The following DDX1 variants were observed in gnomAD, a reference collection of about 807,000 sequenced individuals.
DDX1 encodes ATP-dependent RNA helicase DDX1.
DDX1 carries 28 observed loss-of-function variants against 108.7 expected under a neutral mutation model. That is an observed-to-expected ratio of 0.26 (90% CI 0.19 to 0.35). The LOEUF (loss-of-function observed/expected upper bound fraction) is 0.35, where lower values mean the gene tolerates loss of function less well. DDX1 is among the 10% of genes least tolerant of loss of function. The pLI is 1.00. For synonymous variants in DDX1, 295 were observed against 288.9 expected (o/e 1.02, Z -0.21); for missense variants, 710 against 884.5 (o/e 0.80, Z 2.50).
intron 19 of DDX1, among the ~76,000 whole-genome samples, chr2:15,624,590 A>G (rs1666068192): frequency 6.6e-6 from 1 of 152,182 alleles, no homozygotes; most frequent in Non-Finnish European, 1.5e-5. Context: ...CGAGAACAGC[A>G]TGAGGATAAC....
intron 14 of DDX1, among the ~76,000 whole-genome samples, chr2:15,616,879 G>T (rs957937105): frequency 1.3e-5 from 2 of 152,198 alleles, no homozygotes; most frequent in African/African-American, 4.8e-5. Flanking sequence ...TACTAGAGGA[G>T]ATTAAATAAA....
chr2:15,594,111 A>G (rs1195377231), intron 1 of DDX1, among the ~76,000 whole-genome samples: 1 of 150,964 alleles, frequency 6.6e-6, no homozygotes, highest in African/African-American at 2.4e-5. Flanking sequence ...AAAGAAAAAG[A>G]GTTAGGAGAG....
intron 13 of DDX1, among the ~76,000 whole-genome samples, chr2:15,610,005 G>A (rs1665726634): frequency 6.6e-6 from 1 of 152,194 alleles, no homozygotes; most frequent in Admixed American, 6.5e-5. Flanking sequence ...GTGCCTCATA[G>A]CTCACTGCAG....
intron 13 of DDX1, among the ~76,000 whole-genome samples, chr2:15,612,947 G>C (rs1454936156): frequency 2.6e-5 from 4 of 151,506 alleles, no homozygotes; most frequent in Admixed American, 6.6e-5. Flanking sequence ...AGTGAGCCGA[G>C]ATGGCAGCAG....
intron 13 of DDX1, among the ~76,000 whole-genome samples, chr2:15,611,280 A>G (rs62120728): frequency 5.3e-5 from 8 of 151,298 alleles, no homozygotes; most frequent in South Asian, 4.2e-4. Context: ...TCCCATGTCT[A>G]CCTCCTACTA....
chr2:15,605,335 AG>A (rs1665645393), intron 10 of DDX1, among the ~76,000 whole-genome samples: 1 of 152,082 alleles, frequency 6.6e-6, no homozygotes, highest in African/African-American at 2.4e-5. Flanking sequence ...ATGAGGAGGA[AG>A]GCCAGGAGGA....
At chr2:15,605,920 T>G in intron 10 of DDX1, 30 bp from the exon 11 acceptor site, 2 of 1,450,336 alleles carry the variant, frequency 1.4e-6, no homozygotes, top group Non-Finnish European at 1.9e-6. Flanking sequence ...TCTGATTGTT[T>G]TAATCTCTCT....
intron 13 of DDX1, 26 bp from the exon 14 acceptor site, chr2:15,613,197 AT>A: frequency 1.4e-6 from 2 of 1,379,774 alleles, no homozygotes; most frequent in Non-Finnish European, 2.0e-6. Context: ...TTTTTTTTTT[AT>A]ATTATCATCT....
At position 15,623,437 on chromosome 2, in the gene DDX1, G is replaced by T; in HGVS notation, c.1449G>T (p.Glu483Asp). The T allele has an allele frequency of 6.2e-7, 1 of 1,613,106 alleles. No individual in the cohort carries two copies. Among genetic ancestry groups the T allele is most frequent in the Non-Finnish European group, 8.5e-7 (1 of 1,179,480 alleles). The change falls in exon 19 of 26, where the codon GAG becomes GAT. Residue 483 changes from glutamate to aspartate, a missense_variant and splice_region_variant. Around this residue, in one of 3 missense-constraint regions of DDX1, gnomAD observed 661 missense variants for 810.2 expected, o/e 0.82. Transcript: ENST00000233084. ...DNTRPGANSPEMWSEAIKILK... is the reference protein window; with the variant it reads ...DNTRPGANSPDMWSEAIKILK... Reference sequence around the variant, plus strand: ...TTTGTTGTTGTTATGATATTCAAGAGATGTGGTCTGAAGCTATTAAAATCC... The same window carrying T: ...TTTGTTGTTGTTATGATATTCAAGATATGTGGTCTGAAGCTATTAAAATCC...
chr2:15,592,928 G>T (rs1214737078), intron 1 of DDX1, among the ~76,000 whole-genome samples: 3 of 132,668 alleles, frequency 2.3e-5, no homozygotes, highest in South Asian at 2.9e-4. Context: ...GGGGGAGAAT[G>T]GGGGGGTGGG....
In DDX1 at chr2:15,607,294, A is replaced by G. The variant is rs1665678982; in HGVS notation, c.937A>G (p.Ile313Val). Residue 313 changes from isoleucine (I) to valine (V), a missense_variant, in exon 13 of 26, where the codon ATT becomes GTT. By Grantham distance (29) the Ile-to-Val change is conservative. Around this residue, in one of 3 missense-constraint regions of DDX1, gnomAD observed 661 missense variants for 810.2 expected, o/e 0.82. Coordinates refer to ENST00000233084, the MANE Select transcript of DDX1 (RefSeq NM_004939.3). ...CAACATCAAGCAGTTTAAGAAATAC[A>G]TTGATAATCCTAAATTAAGGTAAAT... ...LNNIKQFKKY[I>V]DNPKLRELLI... The G allele has an allele frequency of 1.9e-6, 3 of 1,613,344 alleles. No individual in the cohort carries two copies. Among genetic ancestry groups the G allele is most frequent in the Non-Finnish European group, 2.5e-6 (3 of 1,179,408 alleles).
At chr2:15,603,530 G>C (rs1665619238) in intron 8 of DDX1, among the ~76,000 whole-genome samples, 1 of 152,216 alleles carries the variant, frequency 6.6e-6, no homozygotes, top group Non-Finnish European at 1.5e-5. Flanking sequence ...GTGTGAATCT[G>C]TACCACACAG....
At chr2:15,611,414 G>A (rs980514576) in intron 13 of DDX1, among the ~76,000 whole-genome samples, 13 of 150,362 alleles carry the variant, frequency 8.6e-5, no homozygotes, top group East Asian at 6.0e-4. Context: ...CCTCCCAGAC[G>A]GGGTGGTGGC....
chr2:15,614,598 G>T (rs1438396625), intron 14 of DDX1, among the ~76,000 whole-genome samples: 1 of 152,196 alleles, frequency 6.6e-6, no homozygotes, highest in Non-Finnish European at 1.5e-5. Context: ...TGCTGTAGGA[G>T]CGGGTTAGTT....
Position 15,627,089 on chromosome 2 carries a change from T to C in DDX1, c.1630T>C (p.Cys544Arg), listed in dbSNP as rs745860829. ...AAAAGGACACCAGTTCTCATGTGTT[T>C]GTCTTCATGGTGACAGAAAGCCTCA... ...DKKGHQFSCVCLHGDRKPHER... is the reference protein window; with the variant it reads ...DKKGHQFSCVRLHGDRKPHER... The change falls in exon 20 of 26, where the codon TGT becomes CGT. Residue 544 changes from cysteine to arginine, a missense_variant. By Grantham distance (180) the Cys-to-Arg change is radical. Coordinates refer to ENST00000233084, the MANE Select transcript of DDX1 (RefSeq NM_004939.3). The C allele has an allele frequency of 1.9e-6, 3 of 1,612,102 alleles. No individual in the cohort carries two copies. The highest frequency in any genetic ancestry group is 1.7e-6 in the Non-Finnish European group (2 of 1,178,862).
chr2:15,595,986 G>A (rs1345175813), intron 3 of DDX1, among the ~76,000 whole-genome samples: 1 of 152,126 alleles, frequency 6.6e-6, no homozygotes, highest in African/African-American at 2.4e-5. Context: ...CTCGGTTCAA[G>A]CAATCTTCCT....
At chr2:15,594,299 T>G (rs182672182) in intron 1 of DDX1, among the ~76,000 whole-genome samples, 2 of 152,170 alleles carry the variant, frequency 1.3e-5, no homozygotes, top group South Asian at 4.2e-4. Context: ...TTCTTTTTTT[T>G]ATAGGAATAT....
Position 15,596,952 on chromosome 2 carries a change from A to C in DDX1, c.162+189A>C, listed in dbSNP as rs77457805. 5.3e-3 allele frequency among the ~76,000 whole-genome samples: 806 copies of C among 152,350 alleles called. 8 individuals carry two copies. The highest frequency in any genetic ancestry group is 0.019 in the African/African-American group (783 of 41,576). On this transcript the variant is annotated intron_variant, in intron 4 of 25. Transcript: ENST00000233084. ...AAGAGCTAAAAAAAGTATGACCTTA[A>C]GAACATAGTTTTAAATGGGCGTTAG...
At position 15,631,075 on chromosome 2, in the gene DDX1, C is replaced by A; in HGVS notation, c.*169C>A. On this transcript the variant is annotated 3_prime_UTR_variant, in exon 26 of 26. Coordinates refer to ENST00000233084, the MANE Select transcript of DDX1 (RefSeq NM_004939.3). ...TAGGAATTCTTCAAAAAATGGCATC[C>A]CAATGAAAATAAATTTGATGACTAT... is the stretch of plus-strand genomic sequence containing the variant. The A allele has an allele frequency of 3.9e-6, 2 of 517,326 alleles. No individual in the cohort carries two copies. The highest frequency in any genetic ancestry group is 5.2e-5 in the South Asian group (1 of 19,196). The allele number at this position is 517,326 out of a possible 1,614,324, so 32.0% of individuals were successfully genotyped here.
Sources: gnomAD v4.1 joint callset for allele counts (sites outside exome capture counted in the v4.1 genomes callset) on GRCh38, gnomAD v4.1.1 for gene constraint, gnomAD v4.1.1 regional missense constraint, MANE v1.5 for transcripts, NCBI Gene and HGNC (gene_info 2026-07-23, HGNC 2026-07-21) for gene names.